Variants in KCNAB2 observed in about 807,000 individuals in gnomAD.
KCNAB2 encodes potassium voltage-gated channel subfamily A regulatory beta subunit 2.
Under a neutral mutation model 63.6 loss-of-function variants are expected in KCNAB2, and 29 were observed. The ratio of observed to expected loss-of-function variants is 0.46; its 90% CI spans 0.34 to 0.62. KCNAB2 has a LOEUF of 0.62. Ranked by LOEUF, KCNAB2 falls within the 20% of genes least tolerant of loss-of-function variation. The pLI is 0.01. For missense variants in KCNAB2, 359 were observed against 563.9 expected, an observed-to-expected ratio of 0.64 and a Z score of 3.68; for synonymous variants, 222 against 224.2, an observed-to-expected ratio of 0.99 and a Z score of 0.09.
intron 2 of KCNAB2, among the ~76,000 whole-genome samples, chr1:6,070,777 C>T (rs1663121679): frequency 6.6e-6 from 1 of 151,998 alleles, no homozygotes; most frequent in African/African-American, 2.4e-5. Flanking sequence ...GGCATCGGGC[C>T]ACTCCATAAA....
rs1665619383 is a variant in KCNAB2, at chr1:6,096,168, G to A, written c.949-468G>A. 1.1e-5 allele frequency: 5 copies of A among 457,384 alleles called. No individual in the cohort carries two copies. The highest frequency in any genetic ancestry group is 2.3e-5 in the Admixed American group (1 of 42,584). 28.3% of individuals were successfully genotyped at this position (457,384 alleles called of 1,614,324 possible). A position where few individuals can be genotyped will look rare whatever the true frequency, so the allele number is the denominator to read the frequency against. ...CCACAGCCCTGGGTTCCAGGGCAAC[G>A]TGGCCTGGCCCCCGACTCCTCCCAT... is the stretch of plus-strand genomic sequence containing the variant. On this transcript the variant is annotated intron_variant, in intron 13 of 15. Coordinates refer to ENST00000378083, the MANE Select transcript of KCNAB2 (RefSeq NM_001199862.2). The surrounding 1 kb of genome is among the most constrained non-coding windows in gnomAD (Gnocchi z 5.9).
At chr1:6,084,591 G>A (rs1035802870) in intron 5 of KCNAB2, among the ~76,000 whole-genome samples, 11 of 152,116 alleles carry the variant, frequency 7.2e-5, no homozygotes, top group Non-Finnish European at 1.0e-4. Flanking sequence ...CACAGTGGGC[G>A]GATCACTCGA....
intron 1 of KCNAB2, among the ~76,000 whole-genome samples, chr1:6,014,557 C>T (rs1278261955): frequency 6.6e-6 from 1 of 152,232 alleles, no homozygotes; most frequent in African/African-American, 2.4e-5. Flanking sequence ...TTAGAGACAG[C>T]AGCCTGCGTG....
At chr1:6,055,077 T>A (rs753482844) in intron 2 of KCNAB2, among the ~76,000 whole-genome samples, 30 of 152,120 alleles carry the variant, frequency 2.0e-4, no homozygotes, top group Non-Finnish European at 4.0e-4. Flanking sequence ...GGACACCTCA[T>A]GAGGGTGTTT....
chr1:5,996,255 C>G (rs11578105), intron 1 of KCNAB2, among the ~76,000 whole-genome samples: 2,944 of 152,314 alleles, frequency 0.019, 31 homozygotes, highest in Non-Finnish European at 0.029. Flanking sequence ...CTGGGCTTGG[C>G]AGATGCGTGA....
At chr1:6,001,787 C>T (rs1657278059) in intron 1 of KCNAB2, among the ~76,000 whole-genome samples, 1 of 152,178 alleles carries the variant, frequency 6.6e-6, no homozygotes, top group South Asian at 2.1e-4. Context: ...GTCCTAGGCT[C>T]CTGGAGCCAG....
At chr1:6,043,560 G>A (rs893639287), upstream of KCNAB2, among the ~76,000 whole-genome samples, 1 of 152,218 alleles carries the variant, frequency 6.6e-6, no homozygotes, top group African/African-American at 2.4e-5. Context: ...GGATCTCCAG[G>A]GGGTCACTTG....
chr1:6,064,547 G>A (rs1662581564), intron 2 of KCNAB2, among the ~76,000 whole-genome samples: 2 of 152,216 alleles, frequency 1.3e-5, no homozygotes, highest in African/African-American at 4.8e-5. Flanking sequence ...TCCAAGTAGG[G>A]AGAAGGGTAG....
At chr1:6,041,836 G>A (rs968328374), upstream of KCNAB2, 14 of 1,613,376 alleles carry the variant, frequency 8.7e-6, no homozygotes, top group Non-Finnish European at 1.2e-5. Flanking sequence ...CGAAGTACTC[G>A]GTATGGGAGT....
intron 1 of KCNAB2, among the ~76,000 whole-genome samples, chr1:5,998,119 T>C (rs1657038299): frequency 6.6e-6 from 1 of 152,230 alleles, no homozygotes; most frequent in Non-Finnish European, 1.5e-5. Flanking sequence ...GGGCTCTGCA[T>C]GGGCAAGGTC....
chr1:6,059,982 G>T (rs544187881), intron 2 of KCNAB2, among the ~76,000 whole-genome samples: 7 of 152,322 alleles, frequency 4.6e-5, no homozygotes, highest in African/African-American at 1.7e-4. Flanking sequence ...CTCTGGGCAA[G>T]GCTCACATGT....
At position 5,994,935 on chromosome 1, in the gene KCNAB2, T is replaced by C. The variant is rs1163833283; in HGVS notation, c.-53+2147T>C. 1.3e-5 allele frequency among the ~76,000 whole-genome samples: 2 copies of C among 152,170 alleles called. No individual in the cohort carries two copies. Among genetic ancestry groups the C allele is most frequent in the South Asian group, 2.1e-4 (1 of 4,824 alleles). ...GGCCTCCCCTAGACCTTCCTGTGTG[T>C]TGGTGCTCTGCCGTGGTAACTGGGA... is the stretch of plus-strand genomic sequence containing the variant. On this transcript the variant is annotated intron_variant, in intron 1 of 16. Coordinates refer to the KCNAB2 transcript ENST00000341524. The surrounding 1 kb of genome is among the most constrained non-coding windows in gnomAD (Gnocchi z 5.4).
chr1:6,016,571 T>C (rs548147501), intron 1 of KCNAB2, among the ~76,000 whole-genome samples: 3 of 152,358 alleles, frequency 2.0e-5, no homozygotes, highest in African/African-American at 7.2e-5. Flanking sequence ...AACATGTGAC[T>C]GGACAGGCGT....
At chr1:6,082,364 G>A in intron 5 of KCNAB2, 90 bp downstream of exon 5, 1 of 1,032,282 alleles carries the variant, frequency 9.7e-7, no homozygotes, top group Non-Finnish European at 1.5e-6. Flanking sequence ...GTTCCCAAGA[G>A]TGCTCACAAA....
intron 2 of KCNAB2, among the ~76,000 whole-genome samples, chr1:6,060,027 G>A (rs76905421): frequency 0.051 from 7,763 of 152,182 alleles, 626 homozygotes; most frequent in African/African-American, 0.18. Context: ...TCCTTCCCTC[G>A]GCCTCCCACT....
At chr1:6,044,798 T>C (rs1335900071), upstream of KCNAB2, among the ~76,000 whole-genome samples, 3 of 151,940 alleles carry the variant, frequency 2.0e-5, no homozygotes, top group East Asian at 5.8e-4. Flanking sequence ...CTCCAGGAAC[T>C]GCACAGAGAG....
chr1:6,079,109 G>A (rs11121183), intron 4 of KCNAB2, among the ~76,000 whole-genome samples: 6 of 151,998 alleles, frequency 3.9e-5, no homozygotes, highest in African/African-American at 9.7e-5. Flanking sequence ...GGGTTTGACC[G>A]GAGCACAGGT....
intron 1 of KCNAB2, among the ~76,000 whole-genome samples, chr1:6,039,433 G>A (rs1201372764): frequency 1.3e-5 from 2 of 152,190 alleles, no homozygotes; most frequent in South Asian, 4.1e-4. Context: ...GGGGACCCAG[G>A]GGTTCAGGTG....
At chr1:6,094,375 G>A in intron 10 of KCNAB2, 25 bp from the exon 11 acceptor site, 1 of 1,589,930 alleles carries the variant, frequency 6.3e-7, no homozygotes, top group South Asian at 1.1e-5. Flanking sequence ...CCCCCCACCT[G>A]CGGTTTCCCT....
Sources: allele counts gnomAD v4.1 joint callset (sites outside exome capture counted in the v4.1 genomes callset), GRCh38; gene constraint gnomAD v4.1.1; non-coding constraint Gnocchi (gnomAD v3.1); transcripts MANE v1.5; gene names NCBI Gene and HGNC (gene_info 2026-07-23, HGNC 2026-07-21).